ATL1: variants seen among roughly 807,000 people sequenced by gnomAD.
ATL1 encodes atlastin GTPase 1.
In ATL1, 31 loss-of-function variants were observed where a neutral mutation model predicts 75.5. The ratio of observed to expected loss-of-function variants is 0.41; its 90% CI spans 0.31 to 0.55. The LOEUF (loss-of-function observed/expected upper bound fraction) is 0.55. Among genes scored for constraint, ATL1 ranks in the 20% least tolerant of loss-of-function variants. The pLI is 0.27. For missense variants in ATL1, 405 were observed against 662.6 expected, an observed-to-expected ratio of 0.61 and a Z score of 4.27; for synonymous variants, 226 against 233.3, an observed-to-expected ratio of 0.97 and a Z score of 0.28.
chr14:50,548,666 C>T (rs569931204), intron 1 of ATL1, among the ~76,000 whole-genome samples: 4 of 152,234 alleles, frequency 2.6e-5, no homozygotes, highest in African/African-American at 4.8e-5. Flanking sequence ...CACACCGCCA[C>T]GCCCAGCTAA....
At chr14:50,571,143 G>C (rs1419398473) in intron 1 of ATL1, among the ~76,000 whole-genome samples, 7 of 152,164 alleles carry the variant, frequency 4.6e-5, no homozygotes, top group Non-Finnish European at 7.3e-5. Flanking sequence ...AACAATGAGA[G>C]GTGGGGTGTG....
In ATL1 at chr14:50,587,963, T is replaced by C. The variant is rs778699311; in HGVS notation, c.167T>C (p.Ile56Thr). 4 of 1,614,180 alleles carry C rather than the reference T, an allele frequency of 2.5e-6. No individual in the cohort carries two copies. In the Admixed American group the frequency reaches 6.7e-5, roughly 27 times the overall value. The stretch of plus-strand genomic sequence containing the variant: ...TTAGATGAAACTGCATTAAATCGGA[T>C]CCTTCTCTCGGAGGCTGTCAGAGAC... ...FELDETALNR[I>T]LLSEAVRDKE... Residue 56 changes from isoleucine to threonine, a missense_variant, in exon 2 of 14, where the codon ATC becomes ACC. By Grantham distance (89) the Ile-to-Thr change is moderately conservative. Coordinates refer to ENST00000358385, the MANE Select transcript of ATL1 (RefSeq NM_015915.5).
intron 1 of ATL1, among the ~76,000 whole-genome samples, chr14:50,573,511 G>A (rs762732650): frequency 6.6e-6 from 1 of 152,110 alleles, no homozygotes; most frequent in Non-Finnish European, 1.5e-5. Flanking sequence ...GAACACCCAT[G>A]CTTTGAACTT....
At chr14:50,574,027 G>A (rs2038978899) in intron 1 of ATL1, among the ~76,000 whole-genome samples, 1 of 152,152 alleles carries the variant, frequency 6.6e-6, no homozygotes, top group African/African-American at 2.4e-5. Flanking sequence ...GAGACTGACT[G>A]ATAACCGTAA....
At chr14:50,614,933 A>C (rs2039400887) in intron 8 of ATL1, among the ~76,000 whole-genome samples, 1 of 152,258 alleles carries the variant, frequency 6.6e-6, no homozygotes, top group South Asian at 2.1e-4. Context: ...TAAAGAATTT[A>C]ATTATAAATT....
At chr14:50,620,403 C>T (rs1024027041) in intron 8 of ATL1, among the ~76,000 whole-genome samples, 196 bp from the exon 9 acceptor site, 3 of 151,878 alleles carry the variant, frequency 2.0e-5, no homozygotes, top group African/African-American at 4.8e-5. Flanking sequence ...ACATATGAAA[C>T]GGGAGTGGAA....
upstream of ATL1, among the ~76,000 whole-genome samples, chr14:50,555,734 C>A (rs916794458): frequency 1.3e-5 from 2 of 152,140 alleles, no homozygotes; most frequent in Admixed American, 6.5e-5. Flanking sequence ...GTCCATGATA[C>A]CACTGAGCTG....
Position 50,623,164 on chromosome 14 carries a change from A to G in ATL1, c.1048-13A>G, listed in dbSNP as rs777206034. On this transcript the variant is annotated splice_polypyrimidine_tract_variant and intron_variant, in intron 10 of 13. Transcript: ENST00000358385. ...AACTGCATTTTACATCATATTTTGT[A>G]CTTTGTCCAAAGGCCACAGCAGAAG... 1.2e-6 allele frequency: 2 copies of G among 1,612,018 alleles called. No homozygotes were observed. The highest frequency in any genetic ancestry group is 2.2e-5 in the South Asian group (2 of 90,672).
In ATL1 at chr14:50,626,229, A is replaced by C. The variant is rs555446495; in HGVS notation, c.1120-1802A>C. On this transcript the variant is annotated intron_variant, in intron 11 of 13. Coordinates refer to ENST00000358385, the MANE Select transcript of ATL1 (RefSeq NM_015915.5). ...TAAGAAATACATTTTGTAAGGCTAT[A>C]GCTGCCATAGATAGTGATTCTTTTG... Among the ~76,000 whole-genome samples, 83 of 152,384 alleles carry C rather than the reference A, an allele frequency of 5.4e-4. 1 individual carries two copies. Among genetic ancestry groups the C allele is most frequent in the Admixed American group, 1.2e-3 (18 of 15,308 alleles).
At chr14:50,586,123 A>C (rs1239100146) in intron 1 of ATL1, among the ~76,000 whole-genome samples, 2 of 152,180 alleles carry the variant, frequency 1.3e-5, no homozygotes, top group Non-Finnish European at 2.9e-5. Flanking sequence ...CTAGTTATAA[A>C]ACTTCTTATC....
chr14:50,536,187 G>A (rs1052625270), intron 1 of ATL1, among the ~76,000 whole-genome samples: 36 of 152,322 alleles, frequency 2.4e-4, no homozygotes, highest in African/African-American at 8.4e-4. Context: ...GCCCATGCCT[G>A]TAATCCCAGC....
At chr14:50,607,532 T>C (rs760158193) in intron 6 of ATL1, among the ~76,000 whole-genome samples, 14 of 152,048 alleles carry the variant, frequency 9.2e-5, no homozygotes, top group Non-Finnish European at 1.6e-4. Flanking sequence ...TTTAAAGCAA[T>C]GAGGCTCTCT....
At chr14:50,627,967 A>T (rs2039537423) in intron 11 of ATL1, 64 bp from the exon 12 acceptor site, 1 of 1,548,992 alleles carries the variant, frequency 6.5e-7, no homozygotes, top group African/African-American at 1.4e-5. Context: ...TAAGTGAAAA[A>T]TTTTGATACA....
At chr14:50,613,216 CA>C (rs773126230) in intron 6 of ATL1, 42 bp from the exon 7 acceptor site, 1 of 1,407,914 alleles carries the variant, frequency 7.1e-7, no homozygotes, top group South Asian at 1.2e-5. Context: ...CAAAGGGAGG[CA>C]CCTTAAAGTC....
intron 11 of ATL1, among the ~76,000 whole-genome samples, chr14:50,624,099 T>G (rs748281610): frequency 5.3e-5 from 8 of 150,278 alleles, no homozygotes; most frequent in Non-Finnish European, 1.2e-4. Context: ...CAAATTGAAG[T>G]CTTAGAATGA....
chr14:50,615,290 G>A (rs192007780), intron 8 of ATL1, among the ~76,000 whole-genome samples: 6 of 152,306 alleles, frequency 3.9e-5, no homozygotes, highest in African/African-American at 1.4e-4. Flanking sequence ...TCAGACATTT[G>A]TTTAATTTAC....
intron 1 of ATL1, among the ~76,000 whole-genome samples, chr14:50,533,577 C>T (rs1402333785): frequency 6.6e-6 from 1 of 152,022 alleles, no homozygotes; most frequent in Non-Finnish European, 1.5e-5. Context: ...ATTAAGTTGC[C>T]AGTGTTACAT....
chr14:50,597,313 G>T (rs1042433141), intron 6 of ATL1, among the ~76,000 whole-genome samples: 4 of 151,804 alleles, frequency 2.6e-5, no homozygotes. Context: ...TCTCAGGATG[G>T]ATCAATTTTA....
At chr14:50,590,565 T>C (rs1172462101) in intron 2 of ATL1, among the ~76,000 whole-genome samples, 1 of 152,230 alleles carries the variant, frequency 6.6e-6, no homozygotes, top group Non-Finnish European at 1.5e-5. Flanking sequence ...TCCTATGTGG[T>C]CTTGCCTGAC....
Sources: allele counts gnomAD v4.1 joint callset (sites outside exome capture counted in the v4.1 genomes callset), GRCh38; gene constraint gnomAD v4.1.1; transcripts MANE v1.5; gene names NCBI Gene and HGNC (gene_info 2026-07-23, HGNC 2026-07-21).